Variants in DNAH6 observed in about 807,000 individuals in gnomAD.
DNAH6 encodes dynein axonemal heavy chain 6, also known as axonemal beta dynein heavy chain 6.
In DNAH6, 340 loss-of-function variants were observed where a neutral mutation model predicts 491.4. The ratio of observed to expected loss-of-function variants is 0.69; its 90% CI spans 0.63 to 0.76. The LOEUF (loss-of-function observed/expected upper bound fraction) is 0.76. Ranked by LOEUF, DNAH6 falls within the 30% of genes least tolerant of loss-of-function variation. The probability of loss-of-function intolerance (pLI) is 0.00; values close to 1 mark genes in which losing one functional copy is unlikely to be tolerated. For synonymous variants in DNAH6, 1,603 were observed against 1,686.1 expected, an observed-to-expected ratio of 0.95 and a Z score of 1.21; for missense variants, 4,443 against 4,972.2, an observed-to-expected ratio of 0.89 and a Z score of 3.20.
At chr2:84,662,410 T>G (rs1257104559) in intron 37 of DNAH6, among the ~76,000 whole-genome samples, 1 of 152,184 alleles carries the variant, frequency 6.6e-6, no homozygotes, top group Admixed American at 6.5e-5. Context: ...ACCCTAATAC[T>G]GTGCTTTTCC....
the DNAH6 span, among the ~76,000 whole-genome samples, chr2:84,475,539 G>A: frequency 6.6e-6 from 1 of 152,124 alleles, no homozygotes; most frequent in Non-Finnish European, 1.5e-5. Flanking sequence ...CACAATTAAA[G>A]CAAGAGCCTG....
intron 65 of DNAH6, among the ~76,000 whole-genome samples, chr2:84,783,404 A>G (rs1260682844): frequency 6.6e-6 from 1 of 152,256 alleles, no homozygotes; most frequent in Admixed American, 6.5e-5. Flanking sequence ...AAGTATGGAA[A>G]AAATCCTTCT....
At chr2:84,509,891 T>G in the DNAH6 span, among the ~76,000 whole-genome samples, 2 of 152,226 alleles carry the variant, frequency 1.3e-5, no homozygotes. Context: ...TTAAGAATGT[T>G]GAATATTGGC....
At chr2:84,485,554 G>A in the DNAH6 span, among the ~76,000 whole-genome samples, 1 of 152,062 alleles carries the variant, frequency 6.6e-6, no homozygotes, top group Non-Finnish European at 1.5e-5. Context: ...TGGATAGTGG[G>A]TGGAACCTAT....
intron 56 of DNAH6, among the ~76,000 whole-genome samples, chr2:84,711,243 T>C (rs1281919220): frequency 6.6e-6 from 1 of 152,156 alleles, no homozygotes; most frequent in Non-Finnish European, 1.5e-5. Flanking sequence ...AGCTCAGCCA[T>C]ATGCCAGGCT....
chr2:84,578,333 C>T (rs1200552384), intron 13 of DNAH6, among the ~76,000 whole-genome samples: 1 of 152,088 alleles, frequency 6.6e-6, no homozygotes, highest in East Asian at 1.9e-4. Context: ...TTTCAACAAG[C>T]ACTTTTTAGC....
chr2:84,591,143 A>G (rs1684075206), intron 16 of DNAH6, among the ~76,000 whole-genome samples: 2 of 152,224 alleles, frequency 1.3e-5, no homozygotes, highest in African/African-American at 2.4e-5. Context: ...CTTCTATATC[A>G]TCTGTCTTGG....
At chr2:84,475,673 C>G in the DNAH6 span, among the ~76,000 whole-genome samples, 6 of 152,124 alleles carry the variant, frequency 3.9e-5, no homozygotes, top group Non-Finnish European at 8.8e-5. Context: ...TGAGTCTTCC[C>G]TCTCAGGGGT....
At chr2:84,793,709 A>C (rs1310533691) in intron 68 of DNAH6, among the ~76,000 whole-genome samples, 1 of 152,220 alleles carries the variant, frequency 6.6e-6, no homozygotes, top group South Asian at 2.1e-4. Context: ...TTGCCGATAC[A>C]GGGATTCAGC....
intron 33 of DNAH6, among the ~76,000 whole-genome samples, chr2:84,645,891 G>T (rs1364039891): frequency 1.3e-5 from 2 of 152,148 alleles, no homozygotes; most frequent in African/African-American, 4.8e-5. Flanking sequence ...TCCCATACTA[G>T]TTTGTTGTAA....
At chr2:84,645,281 T>C (rs1018239647) in intron 33 of DNAH6, among the ~76,000 whole-genome samples, 3 of 152,124 alleles carry the variant, frequency 2.0e-5, no homozygotes, top group African/African-American at 7.2e-5. Context: ...TAGCTGGGCA[T>C]GGTGGCACAT....
chr2:84,670,537 A>C, intron 39 of DNAH6, 62 bp downstream of exon 39: 1 of 1,112,450 alleles, frequency 9.0e-7, no homozygotes, highest in Non-Finnish European at 1.3e-6. Flanking sequence ...AAATGACATA[A>C]ATAGTGCATG....
At chr2:84,785,081 C>T (rs977179507) in intron 66 of DNAH6, among the ~76,000 whole-genome samples, 1 of 152,170 alleles carries the variant, frequency 6.6e-6, no homozygotes, top group African/African-American at 2.4e-5. Flanking sequence ...AAGAAGAGAA[C>T]CCCTTCTAGT....
chr2:84,755,089 G>A (rs906685953), intron 63 of DNAH6, among the ~76,000 whole-genome samples: 5 of 152,142 alleles, frequency 3.3e-5, no homozygotes, highest in African/African-American at 7.2e-5. Context: ...TGATTTAAAT[G>A]TGTTCCCCAA....
the DNAH6 span, among the ~76,000 whole-genome samples, chr2:84,489,833 C>A: frequency 1.3e-5 from 2 of 152,146 alleles, no homozygotes; most frequent in Non-Finnish European, 2.9e-5. Context: ...GACCTCATCC[C>A]CAGAGTTTCT....
At chr2:84,700,648 G>T (rs1329476602) in intron 48 of DNAH6, among the ~76,000 whole-genome samples, 3 of 152,198 alleles carry the variant, frequency 2.0e-5, no homozygotes, top group Non-Finnish European at 2.9e-5. Context: ...TAAGAGAGTT[G>T]CATTTGACCA....
intron 63 of DNAH6, among the ~76,000 whole-genome samples, chr2:84,755,397 A>T (rs1197996824): frequency 1.3e-5 from 2 of 152,206 alleles, no homozygotes; most frequent in African/African-American, 4.8e-5. Context: ...TATTTTCTTT[A>T]TAAATTACCC....
chr2:84,805,895 CTT>C, intron 71 of DNAH6, 101 bp downstream of exon 71: 1 of 1,080,700 alleles, frequency 9.3e-7, no homozygotes. Context: ...ATTATGTAGA[CTT>C]TTTTTAACCT....
chr2:84,668,639 T>C (rs1692409372), intron 37 of DNAH6, among the ~76,000 whole-genome samples: 1 of 152,166 alleles, frequency 6.6e-6, no homozygotes, highest in Admixed American at 6.5e-5. Context: ...AATCCTGTTT[T>C]TTCAGTCTGA....
Sources: gnomAD v4.1 joint callset for allele counts (sites outside exome capture counted in the v4.1 genomes callset) on GRCh38, gnomAD v4.1.1 for gene constraint, MANE v1.5 for transcripts, NCBI Gene and HGNC (gene_info 2026-07-23, HGNC 2026-07-21) for gene names.